LRP1B: variants seen among roughly 807,000 people sequenced by gnomAD.
LRP1B encodes the protein low-density lipoprotein receptor-related protein 1B.
A neutral mutation model predicts 556.6 loss-of-function variants in LRP1B; 217 were observed. The ratio of observed to expected loss-of-function variants is 0.39; its 90% CI spans 0.35 to 0.44. The LOEUF is 0.44. Ranked by LOEUF, LRP1B falls within the 20% of genes least tolerant of loss-of-function variation. LRP1B has a pLI of 1.00. For synonymous variants in LRP1B, 2,047 were observed against 1,865.8 expected, an observed-to-expected ratio of 1.10 and a Z score of -2.50; for missense variants, 5,053 against 5,620.8, an observed-to-expected ratio of 0.90 and a Z score of 3.23.
intron 6 of LRP1B, among the ~76,000 whole-genome samples, chr2:141,200,826 C>A (rs1033781490): frequency 6.6e-6 from 1 of 152,148 alleles, no homozygotes; most frequent in Non-Finnish European, 1.5e-5. Flanking sequence ...AAACCCAGAA[C>A]TGTGTATAGC....
intron 32 of LRP1B, among the ~76,000 whole-genome samples, chr2:140,809,106 T>C (rs1690827786): frequency 6.6e-6 from 1 of 152,118 alleles, no homozygotes; most frequent in Non-Finnish European, 1.5e-5. Context: ...CCTGCTGCCC[T>C]CTGTGCTGAA....
At chr2:141,371,800 A>G (rs1689239577) in intron 3 of LRP1B, among the ~76,000 whole-genome samples, 1 of 152,136 alleles carries the variant, frequency 6.6e-6, no homozygotes, top group African/African-American at 2.4e-5. Context: ...ATATAAGATC[A>G]CACCATAAGT....
chr2:141,592,324 G>A (rs544049780), intron 2 of LRP1B, among the ~76,000 whole-genome samples: 1 of 152,226 alleles, frequency 6.6e-6, no homozygotes, highest in East Asian at 1.9e-4. Flanking sequence ...CCAAGATCAA[G>A]ATACCAACAG....
rs1345259465 is a variant in LRP1B, at chr2:140,475,054, A to C, written c.9625+84T>G. ...TTAAATTAAATATGTTTTATGAGAGAAAGCATATAAAATAAATATATATTT... is the reference window on the plus strand; with the variant it reads ...TTAAATTAAATATGTTTTATGAGAGCAAGCATATAAAATAAATATATATTT... On this transcript the variant is annotated intron_variant, in intron 60 of 90. Coordinates refer to ENST00000389484, the MANE Select transcript of LRP1B (RefSeq NM_018557.3). 1.5e-5 allele frequency: 8 copies of C among 529,624 alleles called. No homozygotes were observed. The East Asian group carries it at 3.4e-4, about 22-fold the overall frequency. The allele number at this position is 529,624 out of a possible 1,614,324, so 32.8% of individuals were successfully genotyped here. A position where few individuals can be genotyped will look rare whatever the true frequency, so the allele number is the denominator to read the frequency against.
At chr2:141,243,147 T>C (rs1214736365) in intron 5 of LRP1B, among the ~76,000 whole-genome samples, 1 of 150,892 alleles carries the variant, frequency 6.6e-6, no homozygotes, top group Non-Finnish European at 1.5e-5. Context: ...TTATTTTTAT[T>C]TTTTTTTTCA....
At chr2:142,044,626 T>C (rs1367391518) in intron 1 of LRP1B, among the ~76,000 whole-genome samples, 8 of 149,942 alleles carry the variant, frequency 5.3e-5, no homozygotes, top group Admixed American at 5.3e-4. Flanking sequence ...AAAAAGCAAA[T>C]TTTTTTTTGT....
chr2:141,006,429 G>T (rs970641903), intron 14 of LRP1B, among the ~76,000 whole-genome samples: 1 of 151,832 alleles, frequency 6.6e-6, no homozygotes, highest in African/African-American at 2.4e-5. Context: ...TAAAGGTGTC[G>T]GTATGAATAA....
chr2:141,062,050 C>A lies in LRP1B; in HGVS notation c.1236+1G>T, dbSNP rs2105467949. 1 of 1,609,828 alleles carries A rather than the reference C, an allele frequency of 6.2e-7. No individual in the cohort carries two copies. Among genetic ancestry groups the A allele is most frequent in the Non-Finnish European group, 8.5e-7 (1 of 1,176,862 alleles). On this transcript the variant is annotated splice_donor_variant, in intron 8 of 90. Transcript: ENST00000389484. LOFTEE classifies it high-confidence loss of function. ...GCGTTGTCTAACAAAATTGTACTTA[C>A]TTGTCTGCCTTGAATGACAGTGTGT...
rs1680272287 is a variant in LRP1B, at chr2:140,323,482, G to T, written c.12514+411C>A. On this transcript the variant is annotated intron_variant, in intron 81 of 90. Transcript: ENST00000389484. ...GATAGTTCGTCTATGCACTCACAAG[G>T]TTCTATTAACACCTAATGCTAAATG... 2.0e-5 allele frequency among the ~76,000 whole-genome samples: 3 copies of T among 151,942 alleles called. No homozygotes were observed. In the South Asian group the frequency reaches 6.2e-4, roughly 32 times the overall value.
intron 15 of LRP1B, among the ~76,000 whole-genome samples, chr2:141,003,388 A>C (rs1375524568): frequency 6.6e-6 from 1 of 152,062 alleles, no homozygotes; most frequent in Admixed American, 6.6e-5. Context: ...TGTAAATTGT[A>C]AAATGAGATG....
At chr2:141,637,053 GA>G (rs1401064987) in intron 2 of LRP1B, among the ~76,000 whole-genome samples, 1 of 152,006 alleles carries the variant, frequency 6.6e-6, no homozygotes, top group African/African-American at 2.4e-5. Flanking sequence ...ATTTTTTCTC[GA>G]GAATATATTC....
chr2:141,130,430 G>A (rs1701320759), intron 7 of LRP1B, among the ~76,000 whole-genome samples: 1 of 152,014 alleles, frequency 6.6e-6, no homozygotes, highest in Non-Finnish European at 1.5e-5. Flanking sequence ...ACAGACATTT[G>A]ACATGAGTAT....
In LRP1B at chr2:141,187,260, A is replaced by G. The variant is rs1456192119; in HGVS notation, c.1013+1161T>C. 2.0e-5 allele frequency among the ~76,000 whole-genome samples: 3 copies of G among 152,086 alleles called. 1 individual carries two copies. Among genetic ancestry groups the G allele is most frequent in the Non-Finnish European group, 1.5e-5 (1 of 67,978 alleles). On this transcript the variant is annotated intron_variant, in intron 7 of 90. Coordinates refer to ENST00000389484, the MANE Select transcript of LRP1B (RefSeq NM_018557.3). ...TTATATTACACAGCCTTCCCAGCAA[A>G]GTTCTTACGTGCAAGCTGTTCTTGT...
intron 3 of LRP1B, among the ~76,000 whole-genome samples, chr2:141,479,988 A>C (rs1383003170): frequency 2.0e-5 from 3 of 152,174 alleles, no homozygotes; most frequent in Non-Finnish European, 2.9e-5. Context: ...TACTTGTTTG[A>C]CGAAGCATTC....
chr2:141,719,126 A>G (rs1026687219), intron 2 of LRP1B, among the ~76,000 whole-genome samples: 1 of 152,068 alleles, frequency 6.6e-6, no homozygotes, highest in Non-Finnish European at 1.5e-5. Context: ...GCTGAATATT[A>G]CCTCAGACAG....
chr2:140,704,440 T>C (rs1686755265), intron 37 of LRP1B, among the ~76,000 whole-genome samples: 1 of 152,110 alleles, frequency 6.6e-6, no homozygotes, highest in Admixed American at 6.6e-5. Context: ...GAAAATTTCA[T>C]TCATATTTAC....
intron 41 of LRP1B, 62 bp from the exon 42 acceptor site, chr2:140,601,701 A>G (rs1682679418): frequency 1.7e-6 from 2 of 1,211,492 alleles, no homozygotes; most frequent in South Asian, 1.8e-5. Flanking sequence ...ACTTCTGGAC[A>G]GAAAAAGCAT....
At chr2:141,375,856 TG>T (rs1286471004) in intron 3 of LRP1B, among the ~76,000 whole-genome samples, 1 of 152,086 alleles carries the variant, frequency 6.6e-6, no homozygotes, top group Non-Finnish European at 1.5e-5. Context: ...TAAGAGAGCA[TG>T]GTTTCCCTGT....
rs769597156 is a variant in LRP1B, at chr2:141,520,957, G to A, written c.206-40424C>T. ...ACTTTTCTCCTTACTTTTTTTGGTCGGTGATAGAAGAAGGAGGGGTACTTA... is the reference window on the plus strand; with the variant it reads ...ACTTTTCTCCTTACTTTTTTTGGTCAGTGATAGAAGAAGGAGGGGTACTTA... On this transcript the variant is annotated intron_variant, in intron 2 of 90. Transcript: ENST00000389484. Among the ~76,000 whole-genome samples, 66 of 151,732 alleles carry A rather than the reference G, an allele frequency of 4.3e-4. 1 individual carries two copies. The highest frequency in any genetic ancestry group is 6.6e-4 in the Non-Finnish European group (45 of 67,958).
Sources: allele counts gnomAD v4.1 joint callset (sites outside exome capture counted in the v4.1 genomes callset), GRCh38; gene constraint gnomAD v4.1.1; transcripts MANE v1.5; gene names NCBI Gene and HGNC (gene_info 2026-07-23, HGNC 2026-07-21).